Variants in SLC1A1 observed in about 807,000 individuals in gnomAD.
The protein encoded by SLC1A1 is excitatory amino acid transporter 3.
A neutral mutation model predicts 53.3 loss-of-function variants in SLC1A1; 43 were observed. The ratio of observed to expected loss-of-function variants is 0.81; its 90% CI spans 0.63 to 1.04. The LOEUF (loss-of-function observed/expected upper bound fraction) is 1.04. Ranked by LOEUF, SLC1A1 falls within the 50% of genes least tolerant of loss-of-function variation. SLC1A1 has a pLI of 0.00. For synonymous variants in SLC1A1, 307 were observed against 243.2 expected, an observed-to-expected ratio of 1.26 and a Z score of -2.44; for missense variants, 748 against 664.9, an observed-to-expected ratio of 1.12 and a Z score of -1.37.
At chr9:4,579,429 C>T (rs1346015215) in intron 10 of SLC1A1, among the ~76,000 whole-genome samples, 2 of 152,182 alleles carry the variant, frequency 1.3e-5, no homozygotes, top group East Asian at 3.8e-4. Flanking sequence ...GTGTATTTGA[C>T]ACTTTGTGAT....
intron 2 of SLC1A1, chr9:4,553,252 G>A (rs1818083107): frequency 6.6e-6 from 1 of 152,044 alleles, no homozygotes; most frequent in South Asian, 2.1e-4. Flanking sequence ...AAAAGTTCAT[G>A]GAGTCTTCTG....
chr9:4,563,270 G>C lies in SLC1A1; in HGVS notation c.326-1074G>C, dbSNP rs555441480. On this transcript the variant is annotated intron_variant, in intron 3 of 11. Transcript: ENST00000262352. Reference sequence around the variant, plus strand: ...GATAAGAAGGGGTGGGATGTGGTGAGGCTTTAGTGGTATTAGGCCAAGGGA... The same window carrying C: ...GATAAGAAGGGGTGGGATGTGGTGACGCTTTAGTGGTATTAGGCCAAGGGA... 1.5e-4 allele frequency among the ~76,000 whole-genome samples: 23 copies of C among 152,262 alleles called. No individual in the cohort carries two copies. In the East Asian group the frequency reaches 4.4e-3, roughly 29 times the overall value.
In SLC1A1 at chr9:4,490,702, G is replaced by C. The variant is rs774712467; in HGVS notation, c.23G>C (p.Gly8Ala). 6.2e-7 allele frequency: 1 copy of C among 1,612,758 alleles called. No individual in the cohort carries two copies. The highest frequency in any genetic ancestry group is 8.5e-7 in the Non-Finnish European group (1 of 1,179,116). The change falls in exon 1 of 12, where the codon GGA becomes GCA. Residue 8 changes from glycine (G) to alanine (A), a missense_variant. Coordinates refer to ENST00000262352, the MANE Select transcript of SLC1A1 (RefSeq NM_004170.6). MGKPARK[G>A]CEWKRFLKNN... Reference sequence around the variant, plus strand: ...GCCATGGGGAAACCGGCGAGGAAAGGATGCGAGTGGAAGCGCTTCCTGAAG... The same window carrying C: ...GCCATGGGGAAACCGGCGAGGAAAGCATGCGAGTGGAAGCGCTTCCTGAAG...
intron 1 of SLC1A1, among the ~76,000 whole-genome samples, chr9:4,530,785 T>C (rs182084431): frequency 6.6e-6 from 1 of 152,218 alleles, no homozygotes; most frequent in Admixed American, 6.5e-5. Flanking sequence ...GGGATATATT[T>C]GGATATTAAT....
chr9:4,499,122 G>A (rs1434816727), intron 1 of SLC1A1, among the ~76,000 whole-genome samples: 1 of 148,302 alleles, frequency 6.7e-6, no homozygotes, highest in African/African-American at 2.5e-5. Flanking sequence ...TTGGCTCACT[G>A]CAACCCCTGC....
chr9:4,525,947 T>C (rs1232007268), intron 1 of SLC1A1, among the ~76,000 whole-genome samples: 2 of 152,148 alleles, frequency 1.3e-5, no homozygotes, highest in African/African-American at 2.4e-5. Flanking sequence ...AAAAATACCA[T>C]ATAATAATTC....
intron 1 of SLC1A1, among the ~76,000 whole-genome samples, chr9:4,515,616 T>A (rs201038337): frequency 1.7e-5 from 1 of 58,932 alleles, no homozygotes; most frequent in Admixed American, 1.6e-4. Context: ...ACATCAACAA[T>A]GTCAAAGGTG....
At chr9:4,539,674 C>T (rs569622966) in intron 1 of SLC1A1, among the ~76,000 whole-genome samples, 9 of 152,208 alleles carry the variant, frequency 5.9e-5, no homozygotes, top group African/African-American at 7.2e-5. Context: ...CAGGTTCAAG[C>T]GATTCTCCTG....
rs541332447 is a variant in SLC1A1 at position 4,582,147 on chromosome 9, C to G, written c.1194-891C>G. Among the ~76,000 whole-genome samples, 3 of 152,258 alleles carry G rather than the reference C, an allele frequency of 2.0e-5. No individual in the cohort carries two copies. The South Asian group carries it at 6.2e-4, about 32-fold the overall frequency. ...TTCAGGGCATGTTGAACCCTTGTTT[C>G]CTTCAGAATGATCCAATTAAAATAA... On this transcript the variant is annotated intron_variant, in intron 10 of 11. Coordinates refer to ENST00000262352, the MANE Select transcript of SLC1A1 (RefSeq NM_004170.6).
chr9:4,522,958 C>A (rs764186690), intron 1 of SLC1A1, among the ~76,000 whole-genome samples: 3 of 152,216 alleles, frequency 2.0e-5, no homozygotes, highest in Non-Finnish European at 2.9e-5. Context: ...CCTTTAATTA[C>A]TGGATGAAGA....
At chr9:4,564,266 C>T in intron 3 of SLC1A1, 78 bp from the exon 4 acceptor site, 1 of 951,618 alleles carries the variant, frequency 1.1e-6, no homozygotes, top group Non-Finnish European at 1.7e-6. Flanking sequence ...CAACCATGCC[C>T]ATTGTTCTAA....
Position 4,586,809 on chromosome 9 carries a change from T to A in SLC1A1, c.*1251T>A, listed in dbSNP as rs1191141598. The A allele has an allele frequency of 6.6e-6, 1 of 152,174 alleles. No homozygotes were observed. The highest frequency in any genetic ancestry group is 1.5e-5 in the Non-Finnish European group (1 of 68,028). 9.4% of individuals were successfully genotyped at this position (152,174 alleles called of 1,614,324 possible). A position where few individuals can be genotyped will look rare whatever the true frequency, so the allele number is the denominator to read the frequency against. ...ATCCCACGACATAAGCTGGTATCAG[T>A]GGTTCGGGGGAAATAGTTCCATTCT... On this transcript the variant is annotated 3_prime_UTR_variant, in exon 12 of 12. Coordinates refer to ENST00000262352, the MANE Select transcript of SLC1A1 (RefSeq NM_004170.6).
chr9:4,585,300 G>A lies in SLC1A1; in HGVS notation c.1329-12G>A, dbSNP rs376431424. ...CTGGGCCTCCTGTCTGACTCCTCCC[G>A]TCTCTCCCCAGGGACCGGTTCAGGA... On this transcript the variant is annotated splice_polypyrimidine_tract_variant and intron_variant, in intron 11 of 11. Coordinates refer to ENST00000262352, the MANE Select transcript of SLC1A1 (RefSeq NM_004170.6). 37 of 1,612,962 alleles carry A rather than the reference G, an allele frequency of 2.3e-5. No homozygotes were observed. Among genetic ancestry groups the A allele is most frequent in the South Asian group, 3.3e-5 (3 of 91,036 alleles).
intron 1 of SLC1A1, among the ~76,000 whole-genome samples, chr9:4,513,416 A>G (rs1467586958): frequency 6.6e-6 from 1 of 152,248 alleles, no homozygotes; most frequent in Non-Finnish European, 1.5e-5. Context: ...CACTTCACCG[A>G]AGAGGGTATA....
At position 4,583,004 on chromosome 9, in the gene SLC1A1, G is replaced by A. The variant is rs552691059; in HGVS notation, c.1194-34G>A. On this transcript the variant is annotated intron_variant, in intron 10 of 11. Coordinates refer to ENST00000262352, the MANE Select transcript of SLC1A1 (RefSeq NM_004170.6). The surrounding 1 kb of genome is among the most constrained non-coding windows in gnomAD (Gnocchi z 4.6). Reference sequence around the variant, plus strand: ...CAGGGCTTTAACGGGAGAGGTAAGTGTCTAACTCCTTTCCTGCTGGTATGT... The same window carrying A: ...CAGGGCTTTAACGGGAGAGGTAAGTATCTAACTCCTTTCCTGCTGGTATGT... 6.2e-6 allele frequency: 10 copies of A among 1,613,954 alleles called. No homozygotes were observed. The South Asian group carries it at 7.7e-5, about 12-fold the overall frequency.
At chr9:4,520,426 GT>G (rs1816028318) in intron 1 of SLC1A1, among the ~76,000 whole-genome samples, 1 of 151,640 alleles carries the variant, frequency 6.6e-6, no homozygotes, top group South Asian at 2.1e-4. Flanking sequence ...TTTTTTCCCC[GT>G]TTTAAAAATG....
At position 4,576,681 on chromosome 9, in the gene SLC1A1, G is replaced by A. The variant is rs774159792; in HGVS notation, c.1111G>A (p.Ala371Thr). 5.6e-6 allele frequency: 9 copies of A among 1,614,098 alleles called. No homozygotes were observed. The highest frequency in any genetic ancestry group is 2.7e-5 in the African/African-American group (2 of 74,940). The change falls in exon 10 of 12, where the codon GCG (alanine) becomes ACG (threonine). Residue 371 changes from alanine (A) to threonine (T), a missense_variant. Transcript: ENST00000262352. ...VGATINMDGT[A>T]LYEAVAAVFI... ...TGCAACAATCAACATGGATGGGACT[G>A]CGCTCTATGAAGCAGTGGCAGCGGT...
intron 3 of SLC1A1, among the ~76,000 whole-genome samples, chr9:4,563,806 T>A (rs1819214421): frequency 6.6e-6 from 1 of 152,144 alleles, no homozygotes; most frequent in African/African-American, 2.4e-5. Context: ...TTTGTCCTCA[T>A]TCCACCCCCG....
Position 4,544,659 on chromosome 9 carries a change from A to C in SLC1A1, c.184A>C (p.Met62Leu). 1 of 1,613,780 alleles carries C rather than the reference A, an allele frequency of 6.2e-7. No individual in the cohort carries two copies. Among genetic ancestry groups the C allele is most frequent in the Non-Finnish European group, 8.5e-7 (1 of 1,179,682 alleles). Reference sequence around the variant, plus strand: ...TTTTCCTGGAGAAATTCTAATGCGGATGCTGAAACTCATCATTTTGCCATT... The same window carrying C: ...TTTTCCTGGAGAAATTCTAATGCGGCTGCTGAAACTCATCATTTTGCCATT... ...FAFPGEILMR[M>L]LKLIILPLII... The change falls in exon 2 of 12, where the codon ATG becomes CTG. Residue 62 changes from methionine to leucine, a missense_variant. Physicochemically the swap from Met to Leu is conservative, Grantham distance 15. Transcript: ENST00000262352.
Sources: gnomAD v4.1 joint callset for allele counts (sites outside exome capture counted in the v4.1 genomes callset) on GRCh38, gnomAD v4.1.1 for gene constraint, Gnocchi (gnomAD v3.1) non-coding constraint, MANE v1.5 for transcripts, NCBI Gene and HGNC (gene_info 2026-07-23, HGNC 2026-07-21) for gene names.